PM20D2: variants seen among roughly 807,000 people sequenced by gnomAD.
The protein encoded by PM20D2 is peptidase M20 domain containing 2, also known as xaa-Arg dipeptidase.
In PM20D2, 33 loss-of-function variants were observed where a neutral mutation model predicts 42.9. The ratio of observed to expected loss-of-function variants is 0.77; its 90% CI spans 0.58 to 1.03. PM20D2 has a LOEUF of 1.03. PM20D2 is among the 50% of genes least tolerant of loss of function. PM20D2 has a pLI of 0.00. For synonymous variants in PM20D2, 250 were observed against 228.2 expected (o/e 1.10, Z -0.86); for missense variants, 548 against 557.0 (o/e 0.98, Z 0.16).
At chr6:89,154,694 A>G (rs1001009082) in intron 3 of PM20D2, 54 bp from the exon 4 acceptor site, 2 of 1,338,306 alleles carry the variant, frequency 1.5e-6, no homozygotes, top group Non-Finnish European at 2.0e-6. Flanking sequence ...GGTGTATTTA[A>G]GCTTAAAGAA....
chr6:89,119,276 T>C, the PM20D2 span, among the ~76,000 whole-genome samples: 1 of 152,130 alleles, frequency 6.6e-6, no homozygotes, highest in South Asian at 2.1e-4. Context: ...ATACAAACTA[T>C]AATACAGGGC....
chr6:89,104,285 G>A, the PM20D2 span, among the ~76,000 whole-genome samples: 199 of 145,800 alleles, frequency 1.4e-3, 1 homozygote, highest in Middle Eastern at 3.6e-3. Context: ...CGCTCAGGCT[G>A]GAGTGCAATG....
the PM20D2 span, among the ~76,000 whole-genome samples, chr6:89,124,711 A>G: frequency 7.1e-6 from 1 of 140,372 alleles, no homozygotes; most frequent in Admixed American, 7.3e-5. Flanking sequence ...TTAGAGCCAA[A>G]GTTGTTTTTG....
the PM20D2 span, among the ~76,000 whole-genome samples, chr6:89,108,703 AC>A: frequency 6.6e-6 from 1 of 152,230 alleles, no homozygotes; most frequent in Non-Finnish European, 1.5e-5. Context: ...AAAAGAAGCA[AC>A]TTTCAGGTTT....
At chr6:89,120,036 CAG>C in the PM20D2 span, among the ~76,000 whole-genome samples, 1 of 152,164 alleles carries the variant, frequency 6.6e-6, no homozygotes, top group Non-Finnish European at 1.5e-5. Flanking sequence ...TGGTGGCAGA[CAG>C]AGAATGAGAG....
the PM20D2 span, among the ~76,000 whole-genome samples, chr6:89,112,387 GAAGAA>G: frequency 4.0e-5 from 6 of 151,170 alleles, no homozygotes; most frequent in Non-Finnish European, 7.4e-5. Flanking sequence ...AAAAAAGGAA[GAAGAA>G]AAGTAAGTCC....
the PM20D2 span, among the ~76,000 whole-genome samples, chr6:89,134,282 ACTC>A: frequency 1.3e-5 from 2 of 150,956 alleles, no homozygotes; most frequent in Non-Finnish European, 2.9e-5. Context: ...ATTTAGCTAA[ACTC>A]CTCTACATTC....
the PM20D2 span, among the ~76,000 whole-genome samples, chr6:89,100,889 G>T: frequency 6.6e-6 from 1 of 152,246 alleles, no homozygotes; most frequent in African/African-American, 2.4e-5. Flanking sequence ...TGGATCACCT[G>T]AGGTCAGGAG....
intron 4 of PM20D2, among the ~76,000 whole-genome samples, chr6:89,155,617 G>GTGTAT (rs1406397771): frequency 1.3e-5 from 2 of 152,138 alleles, no homozygotes; most frequent in African/African-American, 4.8e-5. Flanking sequence ...AAGTTAGGGT[G>GTGTAT]TGTATAGTAG....
the PM20D2 span, chr6:89,105,580 T>C: frequency 7.6e-7 from 1 of 1,322,722 alleles, no homozygotes; most frequent in Non-Finnish European, 1.0e-6. Flanking sequence ...AGTAAACATA[T>C]TTTAAAAGCA....
the PM20D2 span, among the ~76,000 whole-genome samples, chr6:89,131,531 T>G: frequency 1.4e-3 from 219 of 152,226 alleles, 2 homozygotes; most frequent in African/African-American, 5.2e-3. Context: ...CTATTTTTTT[T>G]TAATTAAAAA....
chr6:89,133,231 AAAAATAAAAT>A, the PM20D2 span, among the ~76,000 whole-genome samples: 4 of 150,946 alleles, frequency 2.6e-5, no homozygotes, highest in Admixed American at 2.0e-4. Context: ...CCTGTCTCTA[AAAAATAAAAT>A]AAAATAAGAT....
Position 89,162,002 on chromosome 6 carries a change from C to T in PM20D2, c.1157-107C>T, listed in dbSNP as rs562939296. ...CATAACATCACCTCAGTAAATACTG[C>T]ACTGTGGTGGGCAGTTGGAGAGCCA... On this transcript the variant is annotated intron_variant, in intron 6 of 6. Transcript: ENST00000275072. The T allele has an allele frequency of 6.8e-6, 10 of 1,465,040 alleles. No homozygotes were observed. The South Asian group carries it at 9.6e-5, about 14-fold the overall frequency. 90.8% of individuals were successfully genotyped at this position (1,465,040 alleles called of 1,614,324 possible).
the PM20D2 span, among the ~76,000 whole-genome samples, chr6:89,135,602 G>A: frequency 6.6e-6 from 1 of 151,050 alleles, no homozygotes; most frequent in South Asian, 2.1e-4. Context: ...TCCAGTGAGT[G>A]ACATGTTATC....
At chr6:89,162,039 GGTAGCTAACCTGTGAA>G in intron 6 of PM20D2, 54 bp from the exon 7 acceptor site, 1 of 1,555,788 alleles carries the variant, frequency 6.4e-7, no homozygotes, top group Non-Finnish European at 8.8e-7. Flanking sequence ...TTGAGATACG[GGTAGCTAACCTGTGAA>G]ATTAAATACA....
the PM20D2 span, among the ~76,000 whole-genome samples, chr6:89,116,464 T>A: frequency 6.6e-6 from 1 of 152,336 alleles, no homozygotes; most frequent in Non-Finnish European, 1.5e-5. Flanking sequence ...GTGATACATG[T>A]ACTTGCGGTG....
At chr6:89,105,157 T>C in the PM20D2 span, 3 of 1,612,842 alleles carry the variant, frequency 1.9e-6, no homozygotes, top group South Asian at 2.2e-5. Context: ...TTCTTCCCCA[T>C]GAAGAACTTC....
chr6:89,153,446 G>A (rs2127777947), intron 3 of PM20D2, among the ~76,000 whole-genome samples: 1 of 151,950 alleles, frequency 6.6e-6, no homozygotes, highest in Non-Finnish European at 1.5e-5. Context: ...TTATGTAAGG[G>A]GCTGTGTTCT....
chr6:89,106,858 T>C, the PM20D2 span: 18 of 411,658 alleles, frequency 4.4e-5, no homozygotes, highest in Admixed American at 4.2e-4. Context: ...TGATAAAGAC[T>C]TCCCCTCTTC....
Sources: allele counts gnomAD v4.1 joint callset (sites outside exome capture counted in the v4.1 genomes callset), GRCh38; gene constraint gnomAD v4.1.1; transcripts MANE v1.5; gene names NCBI Gene and HGNC (gene_info 2026-07-23, HGNC 2026-07-21).